Variants in DMBT1 observed in about 807,000 individuals in gnomAD.
DMBT1 encodes deleted in malignant brain tumors 1, also known as scavenger receptor cysteine-rich domain-containing protein DMBT1.
In DMBT1, 198 loss-of-function variants were observed where a neutral mutation model predicts 252.9. That is an observed-to-expected ratio of 0.78 (90% CI 0.70 to 0.88). DMBT1 has a LOEUF of 0.88. Ranked by LOEUF, DMBT1 falls within the 40% of genes least tolerant of loss-of-function variation. The pLI, the probability that DMBT1 is intolerant of heterozygous loss-of-function variation, is 0.00. For missense variants in DMBT1, 2,432 were observed against 2,404.7 expected (o/e 1.01, Z -0.24); for synonymous variants, 990 against 942.7 (o/e 1.05, Z -0.92).
chr10:122,619,067 C>T (rs1224030744), intron 41 of DMBT1, among the ~76,000 whole-genome samples: 1 of 152,158 alleles, frequency 6.6e-6, no homozygotes, highest in Non-Finnish European at 1.5e-5. Context: ...TTTGGGTCAA[C>T]CTGGTCACCC....
At position 122,590,695 on chromosome 10, in the gene DMBT1, G is replaced by A. The variant is rs1262906144; in HGVS notation, c.2137+1G>A. ...CAGTCCCGGTCGACGCCCAGGCCAG[G>A]TGAGTCCCCAGTGTCCTTCCTTGGG... On this transcript the variant is annotated splice_donor_variant, in intron 18 of 55. Transcript: ENST00000338354. LOFTEE classifies it high-confidence loss of function. 6.3e-7 allele frequency: 1 copy of A among 1,587,622 alleles called. No homozygotes were observed. The highest frequency in any genetic ancestry group is 1.7e-5 in the Admixed American group (1 of 59,494).
Position 122,643,161 on chromosome 10 carries a change from A to T in DMBT1, c.7392A>T (p.Pro2464=). Residue 2464 remains proline (P), a synonymous_variant, in exon 56 of 56, where the codon CCA becomes CCT. Transcript: ENST00000338354. ...RDDTYGPYSS[P]SLRIARFRFR... ...ACACCTACGGACCCTACTCCTCGCC[A>T]TCTCTTCGCATTGCCCGCTTCCGGT... The T allele has an allele frequency of 6.2e-7, 1 of 1,613,632 alleles. No homozygotes were observed. Among genetic ancestry groups the T allele is most frequent in the Admixed American group, 1.7e-5 (1 of 60,006 alleles).
At chr10:122,591,356 G>T in intron 18 of DMBT1, 123 bp from the exon 19 acceptor site, 1 of 1,139,786 alleles carries the variant, frequency 8.8e-7, no homozygotes, top group Non-Finnish European at 1.3e-6. Context: ...CACATGGGGA[G>T]CAAGTGGCAG....
chr10:122,625,401 G>T, intron 45 of DMBT1, 98 bp downstream of exon 45: 1 of 1,186,140 alleles, frequency 8.4e-7, no homozygotes, highest in Non-Finnish European at 1.2e-6. Flanking sequence ...TCCCCCTGGG[G>T]GGGTAATTTC....
At chr10:122,574,923 C>T (rs893855468) in intron 6 of DMBT1, among the ~76,000 whole-genome samples, 1 of 152,184 alleles carries the variant, frequency 6.6e-6, no homozygotes, top group Non-Finnish European at 1.5e-5. Flanking sequence ...GGAGACCTCA[C>T]GTAGCAGCCC....
rs1044788251 is a variant in DMBT1, at chr10:122,570,304, T to C, written c.139+95T>C. On this transcript the variant is annotated intron_variant, in intron 3 of 55. Coordinates refer to ENST00000338354, the MANE Select transcript of DMBT1 (RefSeq NM_001377530.1). ...AGAAGAGATGCAGAAGCCATACTTC[T>C]AGCAACTCTGGCATTCAGTGTTTGG... 4.4e-5 allele frequency: 46 copies of C among 1,055,224 alleles called. No homozygotes were observed. In the Admixed American group the frequency reaches 5.0e-4, roughly 11 times the overall value. The allele number at this position is 1,055,224 out of a possible 1,614,324, so 65.4% of individuals were successfully genotyped here.
intron 5 of DMBT1, among the ~76,000 whole-genome samples, chr10:122,572,632 C>T (rs571099961): frequency 6.6e-6 from 1 of 151,820 alleles, no homozygotes; most frequent in African/African-American, 2.4e-5. Flanking sequence ...AGTGGTACCA[C>T]CCCTTTTCAT....
chr10:122,625,276 G>A lies in DMBT1; in HGVS notation c.5609-1G>A. The A allele has an allele frequency of 6.2e-7, 1 of 1,611,036 alleles. No homozygotes were observed. The highest frequency in any genetic ancestry group is 8.5e-7 in the Non-Finnish European group (1 of 1,178,620). On this transcript the variant is annotated splice_acceptor_variant, in intron 44 of 55. Coordinates refer to ENST00000338354, the MANE Select transcript of DMBT1 (RefSeq NM_001377530.1). LOFTEE classifies it high-confidence loss of function. ...CTCATGTTTTCTTCTTTTCCTTGCA[G>A]CCACCCAAATAAATTCTACTACGAC...
intron 50 of DMBT1, among the ~76,000 whole-genome samples, chr10:122,632,228 A>G (rs2098170878): frequency 6.6e-6 from 1 of 151,736 alleles, no homozygotes; most frequent in South Asian, 2.1e-4. Context: ...GAGTGTTCCC[A>G]GCATGGCCCT....
In DMBT1 at chr10:122,630,950, G is replaced by GT. The variant is rs1452224287; in HGVS notation, c.6026-10dup. ...ACATGGCCATGATCTCTCAGTTAAT[G>GT]TGTCTTTCAGATGCCACCTTGAGGT... On this transcript the variant is annotated splice_polypyrimidine_tract_variant and intron_variant, in intron 48 of 55. Coordinates refer to ENST00000338354, the MANE Select transcript of DMBT1 (RefSeq NM_001377530.1). The GT allele has an allele frequency of 6.3e-7, 1 of 1,585,966 alleles. No individual in the cohort carries two copies. Among genetic ancestry groups the GT allele is most frequent in the Non-Finnish European group, 8.6e-7 (1 of 1,161,758 alleles).
chr10:122,572,538 A>G (rs1364160265), intron 5 of DMBT1, among the ~76,000 whole-genome samples, 177 bp downstream of exon 5: 1 of 152,234 alleles, frequency 6.6e-6, no homozygotes, highest in Non-Finnish European at 1.5e-5. Flanking sequence ...ATATCACCAC[A>G]CACGAGCACG....
rs11523871 is a variant in DMBT1 at position 122,570,194 on chromosome 10, C to A, written c.124C>A (p.Pro42Thr). ...SLIPSEVPLD[P>T]TVAEGSPFPS... ...GATTCCCTCGGAGGTGCCCTTGGAT[C>A]CAACTGTAGCAGAAGGTAAGGTCTA... is the stretch of plus-strand genomic sequence containing the variant. Residue 42 changes from proline (P) to threonine (T), a missense_variant, in exon 3 of 56, where the codon CCA (proline) becomes ACA (threonine). Coordinates refer to ENST00000338354, the MANE Select transcript of DMBT1 (RefSeq NM_001377530.1). The A allele has an allele frequency of 0.7, 1,084,286 of 1,556,636 alleles. 383,520 individuals carry two copies. Among genetic ancestry groups the A allele is most frequent in the Admixed American group, 0.82 (48,850 of 59,886 alleles).
chr10:122,619,245 G>A (rs2098036635), intron 41 of DMBT1, 63 bp from the exon 42 acceptor site: 1 of 1,606,780 alleles, frequency 6.2e-7, no homozygotes, highest in Non-Finnish European at 8.5e-7. Context: ...TTCTATCTTT[G>A]TTCCAGTTTT....
At chr10:122,632,551 C>T (rs1173598351) in intron 50 of DMBT1, among the ~76,000 whole-genome samples, 1 of 152,056 alleles carries the variant, frequency 6.6e-6, no homozygotes, top group Non-Finnish European at 1.5e-5. Context: ...CCTGGGACAC[C>T]CCGTTTCTAC....
chr10:122,634,430 T>TTTTC (rs2098202394), intron 52 of DMBT1, among the ~76,000 whole-genome samples: 1 of 74,188 alleles, frequency 1.3e-5, no homozygotes, highest in Non-Finnish European at 2.7e-5. Flanking sequence ...TCTCTCTCTC[T>TTTTC]TCTCTCTCTC....
intron 9 of DMBT1, among the ~76,000 whole-genome samples, chr10:122,579,164 C>G (rs1202481170): frequency 2.0e-5 from 3 of 151,772 alleles, no homozygotes; most frequent in Non-Finnish European, 4.4e-5. Flanking sequence ...GGGCTCAGAA[C>G]AAGCCCTGGG....
At chr10:122,573,247 T>C (rs999685289) in intron 5 of DMBT1, among the ~76,000 whole-genome samples, 1 of 152,250 alleles carries the variant, frequency 6.6e-6, no homozygotes, top group African/African-American at 2.4e-5. Context: ...TCGTCCTCCA[T>C]GCAGCCACTT....
rs1443823245 is a variant in DMBT1, at chr10:122,631,745, C to T, written c.6347-110C>T. ...ATTGCTGGGTGGACCTGGGGACCCTCGCCGAGGGGGGTCAGGTTATGGGCC... is the reference window on the plus strand; with the variant it reads ...ATTGCTGGGTGGACCTGGGGACCCTTGCCGAGGGGGGTCAGGTTATGGGCC... On this transcript the variant is annotated intron_variant, in intron 49 of 55. Coordinates refer to ENST00000338354, the MANE Select transcript of DMBT1 (RefSeq NM_001377530.1). 9.6e-6 allele frequency: 12 copies of T among 1,245,596 alleles called. 1 individual carries two copies. The South Asian group carries it at 1.0e-4, about 11-fold the overall frequency. 77.2% of individuals were successfully genotyped at this position (1,245,596 alleles called of 1,614,324 possible). A position where few individuals can be genotyped will look rare whatever the true frequency, so the allele number is the denominator to read the frequency against.
At chr10:122,628,825 G>A (rs1481922542) in intron 46 of DMBT1, among the ~76,000 whole-genome samples, 4 of 152,254 alleles carry the variant, frequency 2.6e-5, no homozygotes, top group South Asian at 2.1e-4. Context: ...AATGGAGGGT[G>A]TTGAGAAGAA....
Sources: allele counts gnomAD v4.1 joint callset (sites outside exome capture counted in the v4.1 genomes callset), GRCh38; gene constraint gnomAD v4.1.1; transcripts MANE v1.5; gene names NCBI Gene and HGNC (gene_info 2026-07-23, HGNC 2026-07-21).